The following PAK5 variants were observed in gnomAD, a reference collection of about 807,000 sequenced individuals.
The protein encoded by PAK5 is serine/threonine-protein kinase PAK 5.
Under a neutral mutation model 65.9 loss-of-function variants are expected in PAK5, and 16 were observed. That is an observed-to-expected ratio of 0.24 (90% CI 0.16 to 0.37). The LOEUF is 0.37. PAK5 is among the 10% of genes least tolerant of loss of function. The probability of loss-of-function intolerance (pLI) is 1.00; values close to 1 mark genes in which losing one functional copy is unlikely to be tolerated. For synonymous variants in PAK5, 371 were observed against 354.9 expected (o/e 1.05, Z -0.51); for missense variants, 785 against 903.9 (o/e 0.87, Z 1.69).
chr20:9,824,999 T>A (rs930037866), intron 1 of PAK5, among the ~76,000 whole-genome samples: 3 of 152,174 alleles, frequency 2.0e-5, no homozygotes, highest in Non-Finnish European at 2.9e-5. Context: ...TATTTTTTAA[T>A]CTAGTCTTTA....
At chr20:9,809,216 T>A (rs1462977508) in intron 1 of PAK5, among the ~76,000 whole-genome samples, 1 of 151,928 alleles carries the variant, frequency 6.6e-6, no homozygotes, top group Admixed American at 6.6e-5. Flanking sequence ...AAAATATAGA[T>A]CTCAGGGCCT....
intron 2 of PAK5, among the ~76,000 whole-genome samples, chr20:9,705,147 C>G (rs180979594): frequency 5.2e-4 from 79 of 152,072 alleles, no homozygotes; most frequent in Non-Finnish European, 9.0e-4. Context: ...ATTATGCAGT[C>G]CAAAATGCCA....
rs150827366 is a variant in PAK5, at chr20:9,618,531, C to G, written c.204+25594G>C. On this transcript the variant is annotated intron_variant, in intron 3 of 9. Coordinates refer to ENST00000353224, the MANE Select transcript of PAK5 (RefSeq NM_177990.4). ...AAGTAATTTTCCTGCCACAGCCTCC[C>G]GAGTAGCTGAGATTGCAGGCATGTG... Among the ~76,000 whole-genome samples the G allele has an allele frequency of 7.5e-3, 1,145 of 151,708 alleles. 22 individuals carry two copies. Among genetic ancestry groups the G allele is most frequent in the African/African-American group, 0.025 (1,052 of 41,304 alleles).
intron 2 of PAK5, among the ~76,000 whole-genome samples, chr20:9,685,335 A>T (rs1254953661): frequency 6.6e-6 from 1 of 152,184 alleles, no homozygotes; most frequent in Non-Finnish European, 1.5e-5. Flanking sequence ...AAATAGAGTC[A>T]TTATAGATGT....
intron 2 of PAK5, among the ~76,000 whole-genome samples, chr20:9,651,110 G>A (rs2047197343): frequency 6.6e-6 from 1 of 152,178 alleles, no homozygotes; most frequent in Non-Finnish European, 1.5e-5. Context: ...CAGGGACCCG[G>A]ACTTCCTGGA....
At chr20:9,714,362 T>C (rs1185740669) in intron 1 of PAK5, among the ~76,000 whole-genome samples, 1 of 152,190 alleles carries the variant, frequency 6.6e-6, no homozygotes, top group Non-Finnish European at 1.5e-5. Context: ...TTTCATTATA[T>C]GCACCAGTTA....
intron 1 of PAK5, among the ~76,000 whole-genome samples, chr20:9,786,075 G>A (rs945414167): frequency 9.2e-5 from 14 of 152,100 alleles, no homozygotes; most frequent in African/African-American, 3.4e-4. Context: ...AAAGACGGCT[G>A]ACCTGCTTCC....
chr20:9,558,007 C>T (rs373091179), intron 6 of PAK5, among the ~76,000 whole-genome samples: 12 of 140,722 alleles, frequency 8.5e-5, no homozygotes, highest in African/African-American at 2.4e-4. Flanking sequence ...TCCAGGAACT[C>T]ATTTATTTAT....
chr20:9,788,699 C>T (rs1346369524), intron 1 of PAK5, among the ~76,000 whole-genome samples: 1 of 152,098 alleles, frequency 6.6e-6, no homozygotes, highest in African/African-American at 2.4e-5. Flanking sequence ...TATGTGGACA[C>T]AATTTTATCT....
At chr20:9,752,028 AAG>A (rs2048582959) in intron 1 of PAK5, among the ~76,000 whole-genome samples, 2 of 152,152 alleles carry the variant, frequency 1.3e-5, no homozygotes, top group African/African-American at 4.8e-5. Context: ...CATCTGGTGG[AAG>A]AGATTGGCAA....
At chr20:9,558,256 C>T (rs753742745) in intron 6 of PAK5, among the ~76,000 whole-genome samples, 5 of 151,968 alleles carry the variant, frequency 3.3e-5, no homozygotes, top group Admixed American at 6.6e-5. Flanking sequence ...GGACTACAGG[C>T]GCCCATCATT....
At chr20:9,755,372 TGAATAAAACA>T (rs1335706858) in intron 1 of PAK5, among the ~76,000 whole-genome samples, 1 of 152,192 alleles carries the variant, frequency 6.6e-6, no homozygotes, top group Non-Finnish European at 1.5e-5. Context: ...TTTCACCCAA[TGAATAAAACA>T]GACTTAATTA....
Position 9,724,062 on chromosome 20 carries a change from T to C in PAK5, c.-161-12627A>G, listed in dbSNP as rs1026882918. Among the ~76,000 whole-genome samples, 6 of 152,258 alleles carry C rather than the reference T, an allele frequency of 3.9e-5. No individual in the cohort carries two copies. In the East Asian group the frequency reaches 1.2e-3, roughly 29 times the overall value. On this transcript the variant is annotated intron_variant, in intron 1 of 9. Coordinates refer to ENST00000353224, the MANE Select transcript of PAK5 (RefSeq NM_177990.4). ...CCGTCCATTCTAGATTGCTTGCGCA[T>C]TACAAATGTAGCAGAAAATTTGTAA... is the stretch of plus-strand genomic sequence containing the variant.
At chr20:9,552,179 G>A (rs1235579479) in intron 7 of PAK5, among the ~76,000 whole-genome samples, 1 of 152,166 alleles carries the variant, frequency 6.6e-6, no homozygotes, top group Non-Finnish European at 1.5e-5. Flanking sequence ...TCAATTTATA[G>A]TAAAAAGAAA....
intron 2 of PAK5, among the ~76,000 whole-genome samples, chr20:9,678,858 C>T (rs886682217): frequency 6.6e-6 from 1 of 152,170 alleles, no homozygotes; most frequent in African/African-American, 2.4e-5. Context: ...CCTCCCACGA[C>T]ACATGGGGAT....
intron 1 of PAK5, among the ~76,000 whole-genome samples, chr20:9,809,518 AT>A (rs554732172): frequency 6.6e-6 from 1 of 151,966 alleles, no homozygotes; most frequent in Non-Finnish European, 1.5e-5. Flanking sequence ...AAATAACTAG[AT>A]TTTTTTCCTC....
At chr20:9,809,531 C>A (rs1452449184) in intron 1 of PAK5, among the ~76,000 whole-genome samples, 1 of 152,068 alleles carries the variant, frequency 6.6e-6, no homozygotes, top group Non-Finnish European at 1.5e-5. Context: ...TTTTTCCTCC[C>A]ATCAGGGACT....
chr20:9,608,910 AAG>A (rs2046505597), intron 3 of PAK5, among the ~76,000 whole-genome samples: 1 of 152,226 alleles, frequency 6.6e-6, no homozygotes, highest in African/African-American at 2.4e-5. Context: ...ACAAGAATAA[AAG>A]AAGAGAAAAG....
chr20:9,607,422 C>T (rs1421862068), intron 3 of PAK5, among the ~76,000 whole-genome samples: 2 of 152,222 alleles, frequency 1.3e-5, no homozygotes, highest in Non-Finnish European at 2.9e-5. Context: ...CAACATGTGA[C>T]TTTCAATTGG....
Sources: gnomAD v4.1 joint callset for allele counts (sites outside exome capture counted in the v4.1 genomes callset) on GRCh38, gnomAD v4.1.1 for gene constraint, MANE v1.5 for transcripts, NCBI Gene and HGNC (gene_info 2026-07-23, HGNC 2026-07-21) for gene names.